The following RAP1GAP2 variants were observed in gnomAD, a reference collection of about 807,000 sequenced individuals.
RAP1GAP2 encodes rap1 GTPase-activating protein 2.
A neutral mutation model predicts 95.0 loss-of-function variants in RAP1GAP2; 27 were observed. The observed-to-expected ratio is 0.28, with a 90% CI of 0.21 to 0.39. RAP1GAP2 has a LOEUF of 0.39. Ranked by LOEUF, RAP1GAP2 falls within the 10% of genes least tolerant of loss-of-function variation. The pLI is 1.00. For missense variants in RAP1GAP2, 771 were observed against 970.0 expected, an observed-to-expected ratio of 0.79 and a Z score of 2.72; for synonymous variants, 373 against 380.9, an observed-to-expected ratio of 0.98 and a Z score of 0.24.
intron 2 of RAP1GAP2, among the ~76,000 whole-genome samples, chr17:2,860,204 G>A (rs1423078227): frequency 6.6e-6 from 1 of 152,138 alleles, no homozygotes; most frequent in Non-Finnish European, 1.5e-5. Flanking sequence ...CAGAACAGAT[G>A]GCTGCTTGTT....
chr17:2,845,956 G>A (rs141425797), intron 2 of RAP1GAP2, among the ~76,000 whole-genome samples: 1 of 151,956 alleles, frequency 6.6e-6, no homozygotes, highest in Admixed American at 6.6e-5. Flanking sequence ...GGCCAAGGCG[G>A]GTGAATTCCG....
chr17:2,884,756 C>T (rs188434758), intron 2 of RAP1GAP2, among the ~76,000 whole-genome samples: 3 of 152,330 alleles, frequency 2.0e-5, no homozygotes, highest in African/African-American at 7.2e-5. Context: ...TCCCAAGCCT[C>T]AGCCGACTCA....
At chr17:2,777,771 C>G (rs1457420081) in intron 1 of RAP1GAP2, among the ~76,000 whole-genome samples, 1 of 152,190 alleles carries the variant, frequency 6.6e-6, no homozygotes, top group African/African-American at 2.4e-5. Flanking sequence ...GAGAAGCCTC[C>G]ATGGGGAATG....
At chr17:2,834,400 C>G (rs893411131) in intron 2 of RAP1GAP2, among the ~76,000 whole-genome samples, 2 of 152,156 alleles carry the variant, frequency 1.3e-5, no homozygotes, top group African/African-American at 4.8e-5. Context: ...AGAACTGGGT[C>G]CCTTGAGAGA....
chr17:2,899,180 G>A (rs2041940153), intron 2 of RAP1GAP2, among the ~76,000 whole-genome samples: 1 of 152,086 alleles, frequency 6.6e-6, no homozygotes, highest in Non-Finnish European at 1.5e-5. Context: ...ATAGTCATAA[G>A]CTATCAGTTT....
chr17:2,847,040 G>A (rs1281964568), intron 2 of RAP1GAP2, among the ~76,000 whole-genome samples: 2 of 152,102 alleles, frequency 1.3e-5, no homozygotes, highest in South Asian at 2.1e-4. Flanking sequence ...ACGGAGTCTT[G>A]CTCTGTCGCC....
chr17:2,976,820 C>G (rs1372921010), intron 8 of RAP1GAP2, among the ~76,000 whole-genome samples: 1 of 151,966 alleles, frequency 6.6e-6, no homozygotes, highest in Non-Finnish European at 1.5e-5. Flanking sequence ...CCAGCTAAAA[C>G]TGATAAGGGA....
Position 3,036,471 on chromosome 17 carries a change from A to G in RAP1GAP2, c.*3110A>G, listed in dbSNP as rs1159170293. On this transcript the variant is annotated 3_prime_UTR_variant, in exon 25 of 25. Transcript: ENST00000254695. The stretch of plus-strand genomic sequence containing the variant: ...GGCACTGGCATGGAGGTGAGCAGTC[A>G]AGGATGCTGGTGAGGCTGCAGTTTC... The G allele has an allele frequency of 6.6e-6, 1 of 152,350 alleles. No homozygotes were observed. Among genetic ancestry groups the G allele is most frequent in the African/African-American group, 2.4e-5 (1 of 41,466 alleles). The allele number at this position is 152,350 out of a possible 1,614,324, so 9.4% of individuals were successfully genotyped here.
chr17:2,834,852 A>G (rs1324530641), intron 2 of RAP1GAP2, among the ~76,000 whole-genome samples: 1 of 152,076 alleles, frequency 6.6e-6, no homozygotes, highest in Non-Finnish European at 1.5e-5. Context: ...TACCCCATTT[A>G]CTATACCACT....
At chr17:3,014,318 C>T (rs1225326670) in intron 17 of RAP1GAP2, among the ~76,000 whole-genome samples, 9 of 152,196 alleles carry the variant, frequency 5.9e-5, no homozygotes, top group Non-Finnish European at 1.3e-4. Flanking sequence ...GTAATTGTAA[C>T]ACAAAGACAG....
At chr17:2,780,064 T>C (rs58137555) in intron 1 of RAP1GAP2, among the ~76,000 whole-genome samples, 17,103 of 152,154 alleles carry the variant, frequency 0.11, 1,207 homozygotes, top group East Asian at 0.34. Context: ...CGTTCCTTTT[T>C]TTTGAGATGG....
chr17:2,776,182 A>G (rs2068494942), upstream of RAP1GAP2, among the ~76,000 whole-genome samples: 1 of 152,244 alleles, frequency 6.6e-6, no homozygotes, highest in South Asian at 2.1e-4. Flanking sequence ...CTGTCTCATA[A>G]AAGTCCAGCC....
intron 8 of RAP1GAP2, among the ~76,000 whole-genome samples, chr17:2,972,598 C>CAAA (rs35539479): frequency 0.028 from 2,331 of 84,240 alleles, 166 homozygotes; most frequent in African/African-American, 0.11. Context: ...AAGTCCTTCT[C>CAAA]AAAAAAAAAA....
At chr17:2,774,927 TCTC>T (rs1489066816), upstream of RAP1GAP2, among the ~76,000 whole-genome samples, 3 of 151,190 alleles carry the variant, frequency 2.0e-5, no homozygotes, top group African/African-American at 7.3e-5. Flanking sequence ...TTCAAGCAAT[TCTC>T]CTGCTTCAGC....
Position 2,839,575 on chromosome 17 carries a change from T to C in RAP1GAP2, c.80+39025T>C, listed in dbSNP as rs73976601. ...ATTTTAGAGTTTTTCCCTAATGTCC[T>C]TTTCTGTTCCAGGAACCACATTACA... is the stretch of plus-strand genomic sequence containing the variant. On this transcript the variant is annotated intron_variant, in intron 2 of 24. Transcript: ENST00000254695. Among the ~76,000 whole-genome samples, 507 of 152,290 alleles carry C rather than the reference T, an allele frequency of 3.3e-3. 1 individual carries two copies. Among genetic ancestry groups the C allele is most frequent in the African/African-American group, 0.011 (477 of 41,570 alleles).
At chr17:2,905,193 G>A (rs1299210984) in intron 2 of RAP1GAP2, 91 bp from the exon 3 acceptor site, 6 of 1,258,922 alleles carry the variant, frequency 4.8e-6, no homozygotes, top group Non-Finnish European at 6.8e-6. Flanking sequence ...TGCATTGTAT[G>A]TTAAACTGTG....
intron 1 of RAP1GAP2, among the ~76,000 whole-genome samples, chr17:2,758,081 G>A (rs531017631): frequency 4.7e-4 from 71 of 151,310 alleles, no homozygotes; most frequent in Admixed American, 7.3e-4. Context: ...ATGTTAGCCC[G>A]GATGGTGTCG....
At position 3,004,045 on chromosome 17, in the gene RAP1GAP2, C is replaced by T. The variant is rs1597849100; in HGVS notation, c.1201-1324C>T. ...GTGGGAAGGGCAGAGCTGGGGCTGC[C>T]CTCTGGCCTCTGTCCCAGGTGCCCA... On this transcript the variant is annotated intron_variant, in intron 14 of 24. Transcript: ENST00000254695. This position sits in a 1 kb window ranked among gnomAD's most constrained non-coding sequence, Gnocchi z 4.1. Among the ~76,000 whole-genome samples the T allele has an allele frequency of 6.6e-6, 1 of 152,164 alleles. No individual in the cohort carries two copies. Among genetic ancestry groups the T allele is most frequent in the Non-Finnish European group, 1.5e-5 (1 of 68,032 alleles).
intron 3 of RAP1GAP2, among the ~76,000 whole-genome samples, chr17:2,917,559 C>T (rs993920218): frequency 1.3e-4 from 19 of 151,614 alleles, no homozygotes; most frequent in African/African-American, 3.9e-4. Flanking sequence ...TGTGAGCCAC[C>T]GTGCCCAGCC....
Sources: allele counts gnomAD v4.1 joint callset (sites outside exome capture counted in the v4.1 genomes callset), GRCh38; gene constraint gnomAD v4.1.1; non-coding constraint Gnocchi (gnomAD v3.1); transcripts MANE v1.5; gene names NCBI Gene and HGNC (gene_info 2026-07-23, HGNC 2026-07-21).